SMOX: variants seen among roughly 807,000 people sequenced by gnomAD.
SMOX encodes the protein flavin containing amine oxidase.
In SMOX, 22 loss-of-function variants were observed where a neutral mutation model predicts 51.0. That is an observed-to-expected ratio of 0.43 (90% CI 0.31 to 0.62). The LOEUF (loss-of-function observed/expected upper bound fraction) is 0.62. Among genes scored for constraint, SMOX ranks in the 20% least tolerant of loss-of-function variants. SMOX has a pLI of 0.10. For missense variants in SMOX, 566 were observed against 777.7 expected (o/e 0.73, Z 3.24); for synonymous variants, 282 against 307.8 (o/e 0.92, Z 0.88).
At chr20:4,156,951 C>T (rs1338889733) in intron 1 of SMOX, among the ~76,000 whole-genome samples, 2 of 152,300 alleles carry the variant, frequency 1.3e-5, no homozygotes, top group East Asian at 1.9e-4. Flanking sequence ...CCGTGTTGCC[C>T]AGGCTGGTCT....
Position 4,166,303 on chromosome 20 carries a change from T to C in SMOX, c.-26-8727T>C, listed in dbSNP as rs896462686. 6.6e-6 allele frequency among the ~76,000 whole-genome samples: 1 copy of C among 152,216 alleles called. No individual in the cohort carries two copies. The highest frequency in any genetic ancestry group is 1.5e-5 in the Non-Finnish European group (1 of 68,038). ...CTCTACCTGTGTCTCTCTCTGATACTGTCATCAAGGCCCTCAGTGAGCTTT... is the reference window on the plus strand; with the variant it reads ...CTCTACCTGTGTCTCTCTCTGATACCGTCATCAAGGCCCTCAGTGAGCTTT... On this transcript the variant is annotated intron_variant, in intron 1 of 6. Transcript: ENST00000305958. This position sits in a 1 kb window ranked among gnomAD's most constrained non-coding sequence, Gnocchi z 4.2.
At position 4,177,405 on chromosome 20, in the gene SMOX, C is replaced by G; in HGVS notation, c.263C>G (p.Pro88Arg). 1 of 1,557,202 alleles carries G rather than the reference C, an allele frequency of 6.4e-7. No individual in the cohort carries two copies. The highest frequency in any genetic ancestry group is 1.2e-5 in the South Asian group (1 of 84,452). ...TGGATCCATGGCTCCCATGGGAACC[C>G]TATCTATCATCTAGCAGAAGCCAAC... ...ATWIHGSHGN[P>R]IYHLAEANGL... Residue 88 changes from proline to arginine, a missense_variant, in exon 3 of 7, where the codon CCT becomes CGT. Around this residue, in one of 3 missense-constraint regions of SMOX, gnomAD observed 217 missense variants for 278.4 expected, o/e 0.78. Transcript: ENST00000305958. This position sits in a 1 kb window ranked among gnomAD's most constrained non-coding sequence, Gnocchi z 4.3.
chr20:4,161,064 C>A (rs1301568947), intron 1 of SMOX, among the ~76,000 whole-genome samples: 4 of 152,336 alleles, frequency 2.6e-5, no homozygotes, highest in African/African-American at 7.2e-5. Context: ...AAAGAGTCAG[C>A]GGAAAGTGCT....
In SMOX at chr20:4,172,604, C is replaced by T. The variant is rs116740418; in HGVS notation, c.-26-2426C>T. On this transcript the variant is annotated intron_variant, in intron 1 of 6. Transcript: ENST00000305958. The surrounding 1 kb of genome is among the most constrained non-coding windows in gnomAD (Gnocchi z 7.7). Reference sequence around the variant, plus strand: ...CGGAGCCGCCCTGCTCCCGGCGTGGCCTCATCCCCAGCGAAAGCGCGACAC... The same window carrying T: ...CGGAGCCGCCCTGCTCCCGGCGTGGTCTCATCCCCAGCGAAAGCGCGACAC... Among the ~76,000 whole-genome samples the T allele has an allele frequency of 9.0e-3, 1,371 of 152,100 alleles. 31 individuals are homozygous for T. Among genetic ancestry groups the T allele is most frequent in the African/African-American group, 0.032 (1,317 of 41,492 alleles).
rs1979851419 is a variant in SMOX at position 4,187,681 on chromosome 20, A to G, written c.*274A>G. On this transcript the variant is annotated 3_prime_UTR_variant, in exon 7 of 7. Coordinates refer to ENST00000305958, the MANE Select transcript of SMOX (RefSeq NM_175839.3). This position sits in a 1 kb window ranked among gnomAD's most constrained non-coding sequence, Gnocchi z 4.8. ...CCTTGTTATTGTAAGTGCCTTCAATACTTTGCATTTTGGGATAATAAAAAA... is the reference window on the plus strand; with the variant it reads ...CCTTGTTATTGTAAGTGCCTTCAATGCTTTGCATTTTGGGATAATAAAAAA... The G allele has an allele frequency of 2.1e-5, 8 of 374,552 alleles. No homozygotes were observed. The East Asian group carries it at 3.5e-4, about 16-fold the overall frequency. The allele number at this position is 374,552 out of a possible 1,614,324, so 23.2% of individuals were successfully genotyped here. A position where few individuals can be genotyped will look rare whatever the true frequency, so the allele number is the denominator to read the frequency against.
intron 1 of SMOX, among the ~76,000 whole-genome samples, chr20:4,169,357 G>A (rs906217371): frequency 6.6e-6 from 1 of 152,128 alleles, no homozygotes; most frequent in African/African-American, 2.4e-5. Flanking sequence ...GGAAGGGTGT[G>A]GGGTACGGGA....
Position 4,187,691 on chromosome 20 carries a change from T to C in SMOX, c.*284T>C. 3.0e-6 allele frequency: 1 copy of C among 335,392 alleles called. No individual in the cohort carries two copies. The highest frequency in any genetic ancestry group is 8.3e-5 in the South Asian group (1 of 12,100). The allele number at this position is 335,392 out of a possible 1,614,324, so 20.8% of individuals were successfully genotyped here. On this transcript the variant is annotated 3_prime_UTR_variant, in exon 7 of 7. Coordinates refer to ENST00000305958, the MANE Select transcript of SMOX (RefSeq NM_175839.3). The surrounding 1 kb of genome is among the most constrained non-coding windows in gnomAD (Gnocchi z 4.8). ...GTAAGTGCCTTCAATACTTTGCATT[T>C]TGGGATAATAAAAAAGGCTCCCTCC...
intron 3 of SMOX, among the ~76,000 whole-genome samples, chr20:4,180,479 C>T (rs759636022): frequency 3.9e-5 from 6 of 152,162 alleles, no homozygotes; most frequent in Non-Finnish European, 7.4e-5. Flanking sequence ...CACAGGGGCT[C>T]GACCAAGGAG....
intron 6 of SMOX, among the ~76,000 whole-genome samples, chr20:4,185,427 T>G (rs1460017481): frequency 6.6e-6 from 1 of 151,858 alleles, no homozygotes; most frequent in East Asian, 1.9e-4. Context: ...CTGGCCAACA[T>G]GGCGAAACCC....
chr20:4,166,473 A>G lies in SMOX; in HGVS notation c.-26-8557A>G. Among the ~76,000 whole-genome samples the G allele has an allele frequency of 6.6e-6, 1 of 152,074 alleles. No homozygotes were observed. The highest frequency in any genetic ancestry group is 1.9e-4 in the East Asian group (1 of 5,186). On this transcript the variant is annotated intron_variant, in intron 1 of 6. Transcript: ENST00000305958. The surrounding 1 kb of genome is among the most constrained non-coding windows in gnomAD (Gnocchi z 4.2). ...AGCAATCCTCCTGCCTTGGCCTCCC[A>G]AAGTGCTGGAATTACAGGTGTGAGC... is the stretch of plus-strand genomic sequence containing the variant.
chr20:4,157,203 A>G (rs1193537523), intron 1 of SMOX, among the ~76,000 whole-genome samples: 2 of 152,128 alleles, frequency 1.3e-5, no homozygotes, highest in South Asian at 4.1e-4. Flanking sequence ...CATTTGTACC[A>G]TGAGGGTAAT....
chr20:4,167,501 G>C lies in SMOX; in HGVS notation c.-26-7529G>C, dbSNP rs60147227. 0.019 allele frequency among the ~76,000 whole-genome samples: 2,848 copies of C among 152,294 alleles called. 84 individuals are homozygous for C. The highest frequency in any genetic ancestry group is 0.062 in the African/African-American group (2,578 of 41,544). ...GATGGGAAAGCTTGAAGACCAAAGTGAGCCTTTAAATATCAGATAGGGCTT... is the reference window on the plus strand; with the variant it reads ...GATGGGAAAGCTTGAAGACCAAAGTCAGCCTTTAAATATCAGATAGGGCTT... On this transcript the variant is annotated intron_variant, in intron 1 of 6. Transcript: ENST00000305958. This position sits in a 1 kb window ranked among gnomAD's most constrained non-coding sequence, Gnocchi z 4.8.
rs1978470373 is a variant in SMOX, at chr20:4,172,410, C to A, written c.-26-2620C>A. 6.6e-6 allele frequency among the ~76,000 whole-genome samples: 1 copy of A among 152,190 alleles called. No individual in the cohort carries two copies. Among genetic ancestry groups the A allele is most frequent in the African/African-American group, 2.4e-5 (1 of 41,456 alleles). ...CCCGCCCCGTGCAGGCGGCCACATC[C>A]TCACCTCTAAATTTAGTTTGCAGGA... is the stretch of plus-strand genomic sequence containing the variant. On this transcript the variant is annotated intron_variant, in intron 1 of 6. Coordinates refer to ENST00000305958, the MANE Select transcript of SMOX (RefSeq NM_175839.3). The surrounding 1 kb of genome is among the most constrained non-coding windows in gnomAD (Gnocchi z 7.7).
In SMOX at chr20:4,177,845, ACT is replaced by A. The variant is rs932571025; in HGVS notation, c.435+271_435+272del. Among the ~76,000 whole-genome samples, 5 of 152,220 alleles carry A rather than the reference ACT, an allele frequency of 3.3e-5. No homozygotes were observed. Among genetic ancestry groups the A allele is most frequent in the African/African-American group, 4.8e-5 (2 of 41,522 alleles). On this transcript the variant is annotated intron_variant, in intron 3 of 6. Coordinates refer to ENST00000305958, the MANE Select transcript of SMOX (RefSeq NM_175839.3). The surrounding 1 kb of genome is among the most constrained non-coding windows in gnomAD (Gnocchi z 4.3). ...TAATATTTTGGAATTTATGTATATA[ACT>A]CTACACAAAAAATGAGAATTTTGTC...
At position 4,170,691 on chromosome 20, in the gene SMOX, C is replaced by T. The variant is rs1254367514; in HGVS notation, c.-26-4339C>T. Among the ~76,000 whole-genome samples the T allele has an allele frequency of 2.6e-5, 4 of 152,184 alleles. No individual in the cohort carries two copies. Among genetic ancestry groups the T allele is most frequent in the East Asian group, 1.9e-4 (1 of 5,192 alleles). ...CCTCTGAGTCTTTATTCTATTCATC[C>T]GTCTTTGGCAACCCTGCCACAGGAC... On this transcript the variant is annotated intron_variant, in intron 1 of 6. Coordinates refer to ENST00000305958, the MANE Select transcript of SMOX (RefSeq NM_175839.3). This position sits in a 1 kb window ranked among gnomAD's most constrained non-coding sequence, Gnocchi z 4.6.
At chr20:4,186,392 C>T (rs1002523227) in intron 6 of SMOX, among the ~76,000 whole-genome samples, 1 of 152,182 alleles carries the variant, frequency 6.6e-6, no homozygotes, top group Admixed American at 6.5e-5. Context: ...AGGATAAAGT[C>T]CAAATGCAAA....
chr20:4,167,859 C>A lies in SMOX; in HGVS notation c.-26-7171C>A, dbSNP rs1986634005. 1.3e-5 allele frequency among the ~76,000 whole-genome samples: 2 copies of A among 152,186 alleles called. No homozygotes were observed. The highest frequency in any genetic ancestry group is 4.8e-5 in the African/African-American group (2 of 41,508). ...GGGTCTGGCTGGGAGGAGTTGGGGC[C>A]CAGCCCCTCCCTGGTTGAGGGGTGG... On this transcript the variant is annotated intron_variant, in intron 1 of 6. Coordinates refer to ENST00000305958, the MANE Select transcript of SMOX (RefSeq NM_175839.3). This position sits in a 1 kb window ranked among gnomAD's most constrained non-coding sequence, Gnocchi z 4.8.
rs559684724 is a variant in SMOX at position 4,151,053 on chromosome 20, A to G, written c.-27+2076A>G. On this transcript the variant is annotated intron_variant, in intron 1 of 6. Coordinates refer to ENST00000305958, the MANE Select transcript of SMOX (RefSeq NM_175839.3). ...CACCATGTTGCCCAGGCTGGTCTCG[A>G]ACTCCTGATCTCAGGTGATCCACCC... Among the ~76,000 whole-genome samples, 4 of 152,142 alleles carry G rather than the reference A, an allele frequency of 2.6e-5. No homozygotes were observed. The East Asian group carries it at 7.7e-4, about 29-fold the overall frequency.
At position 4,170,338 on chromosome 20, in the gene SMOX, G is replaced by A. The variant is rs958679643; in HGVS notation, c.-26-4692G>A. Among the ~76,000 whole-genome samples the A allele has an allele frequency of 5.3e-5, 8 of 152,176 alleles. No individual in the cohort carries two copies. The highest frequency in any genetic ancestry group is 1.0e-4 in the Non-Finnish European group (7 of 68,036). On this transcript the variant is annotated intron_variant, in intron 1 of 6. Transcript: ENST00000305958. The surrounding 1 kb of genome is among the most constrained non-coding windows in gnomAD (Gnocchi z 4.6). ...TCAATGAGGAAAGTGCCAGGAGTTG[G>A]GTGGTGCCTCCTGTTTAGTTCTGGG...
Sources: gnomAD v4.1 joint callset for allele counts (sites outside exome capture counted in the v4.1 genomes callset) on GRCh38, gnomAD v4.1.1 for gene constraint, gnomAD v4.1.1 regional missense constraint, Gnocchi (gnomAD v3.1) non-coding constraint, MANE v1.5 for transcripts, NCBI Gene and HGNC (gene_info 2026-07-23, HGNC 2026-07-21) for gene names.